The following DMXL1 variants were observed in gnomAD, a reference collection of about 807,000 sequenced individuals.
DMXL1 encodes the protein dmX-like protein 1.
In DMXL1, 99 loss-of-function variants were observed where a neutral mutation model predicts 319.2. That is an observed-to-expected ratio of 0.31 (90% CI 0.26 to 0.37). The LOEUF is 0.37. Ranked by LOEUF, DMXL1 falls within the 10% of genes least tolerant of loss-of-function variation. DMXL1 has a pLI of 1.00. For synonymous variants in DMXL1, 1,385 were observed against 1,235.2 expected, an observed-to-expected ratio of 1.12 and a Z score of -2.54; for missense variants, 3,745 against 3,595.6, an observed-to-expected ratio of 1.04 and a Z score of -1.06.
intron 3 of DMXL1, 192 bp downstream of exon 3, chr5:119,102,198 A>G: frequency 2.5e-6 from 1 of 404,068 alleles, no homozygotes; most frequent in Non-Finnish European, 4.5e-6. Context: ...AAATTGTGCC[A>G]ATGAATTGTT....
intron 19 of DMXL1, among the ~76,000 whole-genome samples, chr5:119,154,122 C>G (rs184169069): frequency 3.3e-5 from 5 of 152,304 alleles, no homozygotes; most frequent in Admixed American, 6.5e-5. Flanking sequence ...TCTCCCTCTG[C>G]TCAGACCTCC....
intron 9 of DMXL1, among the ~76,000 whole-genome samples, chr5:119,124,555 G>A (rs140233578): frequency 7.0e-4 from 102 of 144,878 alleles, no homozygotes; most frequent in African/African-American, 2.4e-3. Flanking sequence ...TTGACATTAT[G>A]GTGATGACTT....
intron 41 of DMXL1, 23 bp downstream of exon 41, chr5:119,239,103 G>T (rs1260962526): frequency 6.2e-7 from 1 of 1,611,198 alleles, no homozygotes; most frequent in Admixed American, 1.7e-5. Flanking sequence ...AGCTAAAATT[G>T]AAGTATGAGA....
intron 2 of DMXL1, among the ~76,000 whole-genome samples, chr5:119,099,360 G>A (rs1756727191): frequency 6.6e-6 from 1 of 151,966 alleles, no homozygotes; most frequent in South Asian, 2.1e-4. Context: ...ACAGGTGCTC[G>A]CCATCATACC....
At chr5:119,082,840 C>T (rs1752536612) in intron 1 of DMXL1, among the ~76,000 whole-genome samples, 1 of 152,130 alleles carries the variant, frequency 6.6e-6, no homozygotes, top group Non-Finnish European at 1.5e-5. Context: ...TTATTAGTTC[C>T]AATTATTCAA....
At chr5:119,116,035 T>C (rs1760763501) in intron 6 of DMXL1, 123 bp from the exon 7 acceptor site, 2 of 832,156 alleles carry the variant, frequency 2.4e-6, no homozygotes, top group African/African-American at 1.7e-5. Context: ...AATTCCTCTG[T>C]GCTCAACGTC....
intron 1 of DMXL1, among the ~76,000 whole-genome samples, chr5:119,084,656 G>A (rs921246257): frequency 3.3e-5 from 5 of 151,942 alleles, no homozygotes; most frequent in South Asian, 2.1e-4. Context: ...CTGAGGCTGT[G>A]AGTTCGAGAC....
At chr5:119,153,606 C>T (rs1366540462) in intron 19 of DMXL1, among the ~76,000 whole-genome samples, 1 of 152,126 alleles carries the variant, frequency 6.6e-6, no homozygotes, top group Non-Finnish European at 1.5e-5. Flanking sequence ...GGGCAAATAC[C>T]GTTTATTCTC....
chr5:119,137,855 AG>A lies in DMXL1; in HGVS notation c.2376+3468del, dbSNP rs1766379192. Among the ~76,000 whole-genome samples the A allele has an allele frequency of 2.0e-5, 3 of 152,226 alleles. No individual in the cohort carries two copies. In the South Asian group the frequency reaches 6.2e-4, roughly 32 times the overall value. On this transcript the variant is annotated intron_variant, in intron 13 of 43. Coordinates refer to ENST00000539542, the MANE Select transcript of DMXL1 (RefSeq NM_001290321.3). ...GAAAATGGACTAATACAGTATGTAA[AG>A]GAACAGCAAAAAGGCCACTGTGGCT...
chr5:119,085,594 T>C (rs1753186987), intron 1 of DMXL1, among the ~76,000 whole-genome samples: 1 of 152,132 alleles, frequency 6.6e-6, no homozygotes, highest in South Asian at 2.1e-4. Flanking sequence ...TTTGGTGCAA[T>C]CTTAAGGCTG....
In DMXL1 at chr5:119,071,583, A is replaced by G; in HGVS notation, c.14A>G (p.Gln5Arg). 6.2e-7 allele frequency: 1 copy of G among 1,605,692 alleles called. No individual in the cohort carries two copies. The highest frequency in any genetic ancestry group is 1.1e-5 in the South Asian group (1 of 89,066). The change falls in exon 1 of 44, where the codon CAG becomes CGG. Residue 5 changes from glutamine (Q) to arginine (R), a missense_variant. Coordinates refer to ENST00000539542, the MANE Select transcript of DMXL1 (RefSeq NM_001290321.3). ...TAGGGCGCCGACATGAACCTGCACC[A>G]GGTGCTGACCGGGGCTGTGAACCCT... Reference protein sequence around the residue: MNLHQVLTGAVNPGD... With the variant: MNLHRVLTGAVNPGD...
intron 13 of DMXL1, among the ~76,000 whole-genome samples, chr5:119,135,176 T>TG (rs147381337): frequency 0.055 from 8,358 of 151,920 alleles, 293 homozygotes; most frequent in Non-Finnish European, 0.078. Flanking sequence ...GTATATATTT[T>TG]GGGGGGGGTC....
At chr5:119,182,224 G>T (rs1776903719) in intron 28 of DMXL1, among the ~76,000 whole-genome samples, 1 of 152,168 alleles carries the variant, frequency 6.6e-6, no homozygotes, top group Admixed American at 6.5e-5. Flanking sequence ...CTTGAATCCA[G>T]TTAAAATTAA....
chr5:119,203,686 G>A (rs1781234680), intron 33 of DMXL1, among the ~76,000 whole-genome samples: 2 of 152,016 alleles, frequency 1.3e-5, no homozygotes, highest in South Asian at 4.1e-4. Flanking sequence ...GTTTTGAATT[G>A]TCATGATCAT....
chr5:119,195,151 C>T lies in DMXL1; in HGVS notation c.7457+1181C>T, dbSNP rs75039836. Among the ~76,000 whole-genome samples the T allele has an allele frequency of 1.8e-3, 270 of 151,762 alleles. 1 individual carries two copies. The highest frequency in any genetic ancestry group is 5.5e-3 in the African/African-American group (226 of 41,412). On this transcript the variant is annotated intron_variant, in intron 30 of 43. Transcript: ENST00000539542. Reference sequence around the variant, plus strand: ...AATCTTTGTGCACTTTTGGTGGGAACGTAAAATCGTGCAGCAACTGTGGAA... The same window carrying T: ...AATCTTTGTGCACTTTTGGTGGGAATGTAAAATCGTGCAGCAACTGTGGAA...
intron 34 of DMXL1, among the ~76,000 whole-genome samples, chr5:119,216,155 G>T (rs1413824620): frequency 1.4e-5 from 2 of 147,528 alleles, no homozygotes; most frequent in Non-Finnish European, 3.0e-5. Flanking sequence ...CCTATATTAG[G>T]CAACATTTCA....
intron 37 of DMXL1, among the ~76,000 whole-genome samples, chr5:119,222,819 GT>G (rs1784870218): frequency 6.6e-6 from 1 of 151,894 alleles, no homozygotes; most frequent in South Asian, 2.1e-4. Context: ...GCTTCTTTCT[GT>G]CTCTTGAACT....
At chr5:119,156,832 A>G (rs557787407) in intron 19 of DMXL1, among the ~76,000 whole-genome samples, 1 of 151,806 alleles carries the variant, frequency 6.6e-6, no homozygotes, top group Non-Finnish European at 1.5e-5. Context: ...CTTTATGAAA[A>G]CTGTTTGTTT....
rs1305125052 is a variant in DMXL1 at position 119,144,658 on chromosome 5, G to T, written c.2569+20G>T. ...ATGCAGGTAAGGAAGAATTATTTAT[G>T]GAATGAGAAATACTATGTACAGTAT... On this transcript the variant is annotated intron_variant, in intron 15 of 43. Coordinates refer to ENST00000539542, the MANE Select transcript of DMXL1 (RefSeq NM_001290321.3). 2 of 1,466,330 alleles carry T rather than the reference G, an allele frequency of 1.4e-6. No individual in the cohort carries two copies. The highest frequency in any genetic ancestry group is 2.4e-5 in the South Asian group (2 of 82,612). The allele number at this position is 1,466,330 out of a possible 1,614,324, so 90.8% of individuals were successfully genotyped here. A position where few individuals can be genotyped will look rare whatever the true frequency, so the allele number is the denominator to read the frequency against.
Sources: allele counts gnomAD v4.1 joint callset (sites outside exome capture counted in the v4.1 genomes callset), GRCh38; gene constraint gnomAD v4.1.1; transcripts MANE v1.5; gene names NCBI Gene and HGNC (gene_info 2026-07-23, HGNC 2026-07-21).